The following MDGA2 variants were observed in gnomAD, a reference collection of about 807,000 sequenced individuals.
MDGA2 encodes MAM domain containing glycosylphosphatidylinositol anchor 2.
MDGA2 carries 40 observed loss-of-function variants against 117.8 expected under a neutral mutation model. The ratio of observed to expected loss-of-function variants is 0.34; its 90% CI spans 0.26 to 0.44. The LOEUF (loss-of-function observed/expected upper bound fraction) is 0.44. MDGA2 is among the 20% of genes least tolerant of loss of function. The pLI is 1.00. For missense variants in MDGA2, 1,123 were observed against 1,250.6 expected, an observed-to-expected ratio of 0.90 and a Z score of 1.54; for synonymous variants, 452 against 439.0, an observed-to-expected ratio of 1.03 and a Z score of -0.37.
chr14:46,860,812 G>A lies in MDGA2; in HGVS notation c.2753-5658C>T, dbSNP rs113917560. Among the ~76,000 whole-genome samples the A allele has an allele frequency of 4.5e-3, 687 of 151,554 alleles. 7 individuals carry two copies. The highest frequency in any genetic ancestry group is 6.8e-3 in the Non-Finnish European group (461 of 67,756). On this transcript the variant is annotated intron_variant, in intron 14 of 16. Coordinates refer to ENST00000399232, the MANE Select transcript of MDGA2 (RefSeq NM_001113498.3). ...GTCCACTGTTCTCTTATATTCTTTC[G>A]TAAAGTTCATATTCTTATATGCTTT...
At chr14:46,867,083 G>C (rs376090373) in intron 14 of MDGA2, among the ~76,000 whole-genome samples, 1 of 151,988 alleles carries the variant, frequency 6.6e-6, no homozygotes, top group Admixed American at 6.6e-5. Context: ...CTATAAAGAC[G>C]CATGCACATG....
intron 10 of MDGA2, among the ~76,000 whole-genome samples, chr14:46,906,005 A>T (rs1883477418): frequency 6.6e-6 from 1 of 152,018 alleles, no homozygotes; most frequent in Non-Finnish European, 1.5e-5. Flanking sequence ...AATTTTCAAA[A>T]CTTACAATGG....
At chr14:47,179,224 G>C (rs1407156665) in intron 3 of MDGA2, among the ~76,000 whole-genome samples, 1 of 151,948 alleles carries the variant, frequency 6.6e-6, no homozygotes, top group East Asian at 1.9e-4. Context: ...ATATTATATG[G>C]GGAGCCGAAT....
At chr14:47,173,756 A>G (rs1267517547) in intron 3 of MDGA2, among the ~76,000 whole-genome samples, 1 of 152,174 alleles carries the variant, frequency 6.6e-6, no homozygotes, top group Non-Finnish European at 1.5e-5. Flanking sequence ...GAGCAAAATA[A>G]CCAGCTAACA....
intron 3 of MDGA2, among the ~76,000 whole-genome samples, chr14:47,173,460 A>G (rs1566664281): frequency 1.3e-5 from 2 of 152,230 alleles, no homozygotes; most frequent in African/African-American, 4.8e-5. Flanking sequence ...CTCGGCAGAA[A>G]TTCTACAAGC....
chr14:47,097,681 T>C (rs1286833941), intron 5 of MDGA2, among the ~76,000 whole-genome samples: 2 of 152,022 alleles, frequency 1.3e-5, no homozygotes, highest in African/African-American at 4.8e-5. Context: ...AATCATCTAA[T>C]TCTAATGCAG....
At chr14:47,067,974 A>T (rs1349916894) in intron 6 of MDGA2, among the ~76,000 whole-genome samples, 1 of 152,160 alleles carries the variant, frequency 6.6e-6, no homozygotes, top group Admixed American at 6.5e-5. Flanking sequence ...GTCTGAATGG[A>T]AGTTCATTAA....
intron 1 of MDGA2, among the ~76,000 whole-genome samples, chr14:47,462,052 G>T (rs574521367): frequency 6.6e-6 from 1 of 152,238 alleles, no homozygotes; most frequent in Admixed American, 6.5e-5. Flanking sequence ...GCCATTAAAA[G>T]AAGCTTAATA....
intron 2 of MDGA2, among the ~76,000 whole-genome samples, chr14:47,265,638 T>TAA (rs11325423): frequency 1.4e-5 from 2 of 142,236 alleles, no homozygotes. Flanking sequence ...GGGAATGCAT[T>TAA]AAAAAAAAAA....
At chr14:47,595,988 A>G (rs1028097974) in intron 1 of MDGA2, among the ~76,000 whole-genome samples, 4 of 152,214 alleles carry the variant, frequency 2.6e-5, no homozygotes, top group Non-Finnish European at 5.9e-5. Context: ...AAAATCATAG[A>G]ACACAGAAAA....
intron 1 of MDGA2, among the ~76,000 whole-genome samples, chr14:47,371,067 A>T (rs141285122): frequency 1.4e-4 from 21 of 152,004 alleles, no homozygotes. Flanking sequence ...AAGGAGTTCT[A>T]TAAGATAATA....
chr14:47,610,472 C>G (rs1896827075), intron 1 of MDGA2, among the ~76,000 whole-genome samples: 1 of 152,012 alleles, frequency 6.6e-6, no homozygotes, highest in African/African-American at 2.4e-5. Context: ...TTTCCGGATA[C>G]AAGACTAACG....
At chr14:47,599,033 G>T (rs1045033664) in intron 1 of MDGA2, among the ~76,000 whole-genome samples, 1 of 151,892 alleles carries the variant, frequency 6.6e-6, no homozygotes, top group African/African-American at 2.4e-5. Flanking sequence ...TTCAAATTAC[G>T]AATCTCGTGT....
rs574252015 is a variant in MDGA2, at chr14:46,987,691, TC to T, written c.1820-30049del. Among the ~76,000 whole-genome samples the T allele has an allele frequency of 2.1e-3, 325 of 152,158 alleles. 1 individual carries two copies. Among genetic ancestry groups the T allele is most frequent in the Non-Finnish European group, 3.7e-3 (253 of 67,990 alleles). ...ACTAACAAAAAGTTAGAACAATGCC[TC>T]CCTGATCTTGAAGGGAAGGGAATGA... On this transcript the variant is annotated intron_variant, in intron 8 of 16. Transcript: ENST00000399232.
In MDGA2 at chr14:46,845,769, T is replaced by C; in HGVS notation, c.2986A>G (p.Lys996Glu). 6.2e-7 allele frequency: 1 copy of C among 1,600,350 alleles called. No homozygotes were observed. The highest frequency in any genetic ancestry group is 8.6e-7 in the Non-Finnish European group (1 of 1,168,302). ...GECAKQDLAT[K>E]NSVDGAVGIL... is the part of the protein sequence containing the mutation. ...AATCTCAAGCAAAGATACTTACTCT[T>C]AGTTGCTAGGTCTTGTTTTGCACAT... is the stretch of plus-strand genomic sequence containing the variant. Residue 996 changes from lysine to glutamate, a missense_variant, in exon 16 of 17, where the codon AAG becomes GAG. Physicochemically the swap from Lys to Glu is moderately conservative, Grantham distance 56. Around this residue, in one of 2 missense-constraint regions of MDGA2, gnomAD observed 890 missense variants for 1,050.3 expected, o/e 0.85. Coordinates refer to ENST00000399232, the MANE Select transcript of MDGA2 (RefSeq NM_001113498.3).
intron 1 of MDGA2, among the ~76,000 whole-genome samples, chr14:47,446,600 A>AC (rs1893127767): frequency 6.6e-6 from 1 of 152,142 alleles, no homozygotes; most frequent in Non-Finnish European, 1.5e-5. Context: ...AAAAAGAGAA[A>AC]AAAAAATTCT....
intron 8 of MDGA2, among the ~76,000 whole-genome samples, chr14:47,020,053 T>G (rs2138579350): frequency 6.6e-6 from 1 of 152,216 alleles, no homozygotes; most frequent in South Asian, 2.1e-4. Context: ...TGTGCACAAC[T>G]TTACAGGTCC....
At chr14:47,640,961 C>A (rs1025752406) in intron 1 of MDGA2, among the ~76,000 whole-genome samples, 6 of 151,942 alleles carry the variant, frequency 3.9e-5, no homozygotes, top group Non-Finnish European at 7.4e-5. Context: ...TACGTATCAA[C>A]CATTTCCCGA....
intron 1 of MDGA2, among the ~76,000 whole-genome samples, chr14:47,601,933 G>A (rs527621664): frequency 5.7e-4 from 87 of 152,104 alleles, no homozygotes; most frequent in African/African-American, 1.6e-3. Context: ...CCCCAGCTTC[G>A]GAGTTTTGAT....
Sources: allele counts gnomAD v4.1 joint callset (sites outside exome capture counted in the v4.1 genomes callset), GRCh38; gene constraint gnomAD v4.1.1; regional missense constraint gnomAD v4.1.1; transcripts MANE v1.5; gene names NCBI Gene and HGNC (gene_info 2026-07-23, HGNC 2026-07-21).